The following CNR2 variants were observed in gnomAD, a reference collection of about 807,000 sequenced individuals.
CNR2 encodes the protein cannabinoid receptor 2.
For missense variants in CNR2, 379 were observed against 439.9 expected (o/e 0.86, Z 1.24); for synonymous variants, 172 against 182.2 (o/e 0.94, Z 0.45).
At chr1:23,883,937 T>C (rs1640035625) in intron 1 of CNR2, among the ~76,000 whole-genome samples, 1 of 152,064 alleles carries the variant, frequency 6.6e-6, no homozygotes, top group Non-Finnish European at 1.5e-5. Context: ...TATGAGTAGA[T>C]AAAAGTGAAG....
rs1639761275 is a variant in CNR2, at chr1:23,871,264, A to C, written c.*3271T>G. 1 of 150,868 alleles carries C rather than the reference A, an allele frequency of 6.6e-6. No individual in the cohort carries two copies. The highest frequency in any genetic ancestry group is 1.5e-5 in the Non-Finnish European group (1 of 67,836). 9.3% of individuals were successfully genotyped at this position (150,868 alleles called of 1,614,324 possible). ...CAAATGATTTTTAGAATCTAGTTTT[A>C]TTCATTCAAGAAGTATTTACTCAGT... On this transcript the variant is annotated 3_prime_UTR_variant, in exon 2 of 2. Transcript: ENST00000374472.
intron 1 of CNR2, among the ~76,000 whole-genome samples, chr1:23,890,716 G>A (rs1175675152): frequency 6.8e-6 from 1 of 147,242 alleles, no homozygotes; most frequent in African/African-American, 2.5e-5. Flanking sequence ...CTGCACTCCA[G>A]CCTGGGCAAC....
intron 1 of CNR2, among the ~76,000 whole-genome samples, chr1:23,894,068 C>T (rs1429001903): frequency 1.3e-5 from 2 of 151,148 alleles, no homozygotes; most frequent in African/African-American, 4.9e-5. Context: ...TGCAGTGAGC[C>T]GTGATCACAC....
At chr1:23,881,906 A>C (rs555887424) in intron 1 of CNR2, among the ~76,000 whole-genome samples, 13 of 151,578 alleles carry the variant, frequency 8.6e-5, no homozygotes, top group African/African-American at 3.1e-4. Context: ...AAAAAAAATT[A>C]CTAACAAAGT....
intron 1 of CNR2, among the ~76,000 whole-genome samples, chr1:23,912,849 C>T (rs1570727767): frequency 6.6e-6 from 1 of 152,102 alleles, no homozygotes; most frequent in Non-Finnish European, 1.5e-5. Flanking sequence ...TTCTTGTGTC[C>T]CTGGAGGGAA....
intron 1 of CNR2, among the ~76,000 whole-genome samples, chr1:23,893,450 G>A (rs778553232): frequency 6.6e-6 from 1 of 152,226 alleles, no homozygotes; most frequent in Non-Finnish European, 1.5e-5. Context: ...CTTCCTCTGT[G>A]AATGGGGAAA....
chr1:23,912,316 T>C (rs1640600196), intron 1 of CNR2, among the ~76,000 whole-genome samples: 1 of 152,192 alleles, frequency 6.6e-6, no homozygotes, highest in African/African-American at 2.4e-5. Flanking sequence ...CTGAGTCCAG[T>C]GTGCCCCTAA....
intron 1 of CNR2, among the ~76,000 whole-genome samples, chr1:23,907,434 A>T (rs182411661): frequency 6.6e-6 from 1 of 151,874 alleles, no homozygotes; most frequent in East Asian, 1.9e-4. Context: ...AAACAAGAGA[A>T]AAAAGAAGAA....
At chr1:23,884,106 G>T (rs1190723128) in intron 1 of CNR2, among the ~76,000 whole-genome samples, 2 of 151,454 alleles carry the variant, frequency 1.3e-5, no homozygotes, top group African/African-American at 4.9e-5. Context: ...TTGAGACAGA[G>T]TCTCACTCTG....
Position 23,873,572 on chromosome 1 carries a change from TG to T in CNR2, c.*962del, listed in dbSNP as rs1221609291. On this transcript the variant is annotated 3_prime_UTR_variant, in exon 2 of 2. Coordinates refer to ENST00000374472, the MANE Select transcript of CNR2 (RefSeq NM_001841.3). ...TAAAATCATGGAGCTATATTCTAGCTGGGGTCAATAGACTGAAATGTCAGCC... is the reference window on the plus strand; with the variant it reads ...TAAAATCATGGAGCTATATTCTAGCTGGGTCAATAGACTGAAATGTCAGCC... 6.6e-6 allele frequency: 1 copy of T among 152,098 alleles called. No homozygotes were observed. 9.4% of individuals were successfully genotyped at this position (152,098 alleles called of 1,614,324 possible).
At chr1:23,899,316 A>G (rs1454756549) in intron 1 of CNR2, among the ~76,000 whole-genome samples, 2 of 152,180 alleles carry the variant, frequency 1.3e-5, no homozygotes, top group Non-Finnish European at 2.9e-5. Flanking sequence ...CAAAATTATG[A>G]CTGAGACTGT....
chr1:23,889,228 G>C (rs1426589237), intron 1 of CNR2, among the ~76,000 whole-genome samples: 1 of 152,102 alleles, frequency 6.6e-6, no homozygotes, highest in South Asian at 2.1e-4. Context: ...AAGTGAAAGC[G>C]TGAAGTGAAA....
In CNR2 at chr1:23,874,326, G is replaced by A. The variant is rs201318944; in HGVS notation, c.*209C>T. On this transcript the variant is annotated 3_prime_UTR_variant, in exon 2 of 2. Transcript: ENST00000374472. ...TGTCTCGCCTACCTGGCTACTCCTC[G>A]TGGCCCTACCTATCCAACAGACTGT... The A allele has an allele frequency of 1.4e-4, 81 of 559,018 alleles. 2 individuals carry two copies. The South Asian group carries it at 1.7e-3, about 11-fold the overall frequency. The allele number at this position is 559,018 out of a possible 1,614,324, so 34.6% of individuals were successfully genotyped here. A position where few individuals can be genotyped will look rare whatever the true frequency, so the allele number is the denominator to read the frequency against.
chr1:23,894,291 C>T (rs919710385), intron 1 of CNR2, among the ~76,000 whole-genome samples: 2 of 151,822 alleles, frequency 1.3e-5, no homozygotes, highest in Non-Finnish European at 2.9e-5. Context: ...GGCGTTGTGG[C>T]TCGCCTGTAA....
intron 1 of CNR2, among the ~76,000 whole-genome samples, chr1:23,893,851 C>A (rs754467400): frequency 1.2e-4 from 19 of 152,202 alleles, no homozygotes; most frequent in Non-Finnish European, 2.5e-4. Flanking sequence ...GGGCTGGGTA[C>A]CATGGCTCAT....
chr1:23,876,014 G>A (rs1352409840), intron 1 of CNR2, among the ~76,000 whole-genome samples: 1 of 152,052 alleles, frequency 6.6e-6, no homozygotes, highest in African/African-American at 2.4e-5. Flanking sequence ...ATGGAATCTA[G>A]AGTGATAAGG....
chr1:23,875,297 C>T lies in CNR2; in HGVS notation c.321G>A (p.Leu107=), dbSNP rs1426526060. 1 of 1,614,220 alleles carries T rather than the reference C, an allele frequency of 6.2e-7. No individual in the cohort carries two copies. The highest frequency in any genetic ancestry group is 1.7e-5 in the Admixed American group (1 of 60,026). Residue 107 remains leucine, a synonymous_variant, in exon 2 of 2, where the codon CTG becomes CTA. Coordinates refer to ENST00000374472, the MANE Select transcript of CNR2 (RefSeq NM_001841.3). ...TCATAGTCACGCTGCCAATCTTCAG[C>T]AGGAAGACAGCCTTGGAATCCACAC... is the stretch of plus-strand genomic sequence containing the variant. The part of the protein sequence containing the change: ...FHGVDSKAVF[L]LKIGSVTMTF...
chr1:23,904,178 GTT>G lies in CNR2; in HGVS notation c.-46+9066_-46+9067del, dbSNP rs941406053. ...CTCTGGTTTTTTTGTTCGTTTCATT[GTT>G]TTTTTTTTTTTTTTTGGAGTCTCGC... On this transcript the variant is annotated intron_variant, in intron 1 of 1. Transcript: ENST00000374472. 3.7e-3 allele frequency among the ~76,000 whole-genome samples: 492 copies of G among 132,494 alleles called. 5 individuals are homozygous for G. Among genetic ancestry groups the G allele is most frequent in the African/African-American group, 0.013 (467 of 36,442 alleles). The allele number at this position is 132,494 out of a possible 152,430, so 86.9% of individuals were successfully genotyped here. A position where few individuals can be genotyped will look rare whatever the true frequency, so the allele number is the denominator to read the frequency against.
At chr1:23,876,204 T>A (rs1392370766) in intron 1 of CNR2, among the ~76,000 whole-genome samples, 1 of 151,230 alleles carries the variant, frequency 6.6e-6, no homozygotes, top group Non-Finnish European at 1.5e-5. Flanking sequence ...TTTTTATTTA[T>A]TTATTTATTT....
Sources: gnomAD v4.1 joint callset for allele counts (sites outside exome capture counted in the v4.1 genomes callset) on GRCh38, gnomAD v4.1.1 for gene constraint, MANE v1.5 for transcripts, NCBI Gene and HGNC (gene_info 2026-07-23, HGNC 2026-07-21) for gene names.